The following PDE3B variants were observed in gnomAD, a reference collection of about 807,000 sequenced individuals.
PDE3B encodes phosphodiesterase 3B.
In PDE3B, 66 loss-of-function variants were observed where a neutral mutation model predicts 116.8. The observed-to-expected ratio is 0.56, with a 90% CI of 0.46 to 0.69. The LOEUF (loss-of-function observed/expected upper bound fraction) is 0.69. PDE3B is among the 30% of genes least tolerant of loss of function. PDE3B has a pLI of 0.00. For missense variants in PDE3B, 1,384 were observed against 1,368.1 expected (o/e 1.01, Z -0.18); for synonymous variants, 595 against 533.6 (o/e 1.12, Z -1.59).
chr11:14,859,106 T>C lies in PDE3B; in HGVS notation c.2584T>C (p.Tyr862His). 2 of 1,613,762 alleles carry C rather than the reference T, an allele frequency of 1.2e-6. No homozygotes were observed. Among genetic ancestry groups the C allele is most frequent in the Non-Finnish European group, 1.7e-6 (2 of 1,179,762 alleles). The change falls in exon 13 of 16, where the codon TAT becomes CAT. Residue 862 changes from tyrosine (Y) to histidine (H), a missense_variant. Physicochemically the swap from Tyr to His is moderately conservative, Grantham distance 83. Around this residue, in one of 2 missense-constraint regions of PDE3B, gnomAD observed 428 missense variants for 561.4 expected, o/e 0.76. Transcript: ENST00000282096. ...TCATGCTGCGTCAGCTTGGAATCTA[T>C]ATCTTTCTCGCCCAGAATACAACTT... ...NHHAASAWNL[Y>H]LSRPEYNFLL...
intron 1 of PDE3B, among the ~76,000 whole-genome samples, chr11:14,691,509 A>G (rs189747074): frequency 2.4e-4 from 37 of 152,330 alleles, no homozygotes; most frequent in African/African-American, 8.4e-4. Flanking sequence ...TCTTAGTTTT[A>G]TAGATGGTAT....
At chr11:14,776,364 T>C (rs2133902916) in intron 2 of PDE3B, 1 of 152,342 alleles carries the variant, frequency 6.6e-6, no homozygotes, top group East Asian at 1.9e-4. Context: ...AAGGGGGATG[T>C]CCTCACAAAT....
chr11:14,715,457 C>T (rs370422010), intron 1 of PDE3B, among the ~76,000 whole-genome samples: 148 of 152,182 alleles, frequency 9.7e-4, no homozygotes, highest in African/African-American at 3.2e-3. Context: ...TTGTAGTTCT[C>T]CTTGAAGAGG....
intron 11 of PDE3B, among the ~76,000 whole-genome samples, chr11:14,840,831 T>C (rs1860197680): frequency 6.6e-6 from 1 of 152,156 alleles, no homozygotes; most frequent in Non-Finnish European, 1.5e-5. Context: ...CTTGGATGCT[T>C]TGGGACTTAG....
chr11:14,865,221 A>G (rs1848022306), intron 14 of PDE3B, among the ~76,000 whole-genome samples: 1 of 152,212 alleles, frequency 6.6e-6, no homozygotes, highest in African/African-American at 2.4e-5. Context: ...CATTAAAATA[A>G]TCTTTCCACT....
chr11:14,849,393 A>T (rs1002461904), intron 12 of PDE3B, among the ~76,000 whole-genome samples: 1 of 152,124 alleles, frequency 6.6e-6, no homozygotes, highest in African/African-American at 2.4e-5. Context: ...CCTAGAAGAA[A>T]ACCTAGGCAT....
chr11:14,840,394 C>T (rs916180498), intron 11 of PDE3B, among the ~76,000 whole-genome samples: 7 of 152,152 alleles, frequency 4.6e-5, no homozygotes, highest in South Asian at 2.1e-4. Flanking sequence ...CCCTCTGATC[C>T]TCCAGTTCAT....
intron 10 of PDE3B, 84 bp from the exon 11 acceptor site, chr11:14,834,898 G>A (rs1373687624): frequency 3.4e-6 from 2 of 585,812 alleles, no homozygotes; most frequent in Non-Finnish European, 6.0e-6. Flanking sequence ...TCTTTTTTAT[G>A]AGGATATAGT....
chr11:14,802,106 T>C (rs1858789978), intron 4 of PDE3B, among the ~76,000 whole-genome samples: 1 of 152,186 alleles, frequency 6.6e-6, no homozygotes, highest in Non-Finnish European at 1.5e-5. Context: ...ACCACTTGGC[T>C]CCCTGGCTTT....
At chr11:14,822,905 G>GGAGCTCCCA (rs1467457094) in intron 7 of PDE3B, among the ~76,000 whole-genome samples, 1 of 152,202 alleles carries the variant, frequency 6.6e-6, no homozygotes, top group Non-Finnish European at 1.5e-5. Context: ...GCTCCCAGAG[G>GGAGCTCCCA]GAGGGGTAGG....
chr11:14,729,977 G>A (rs953752860), intron 1 of PDE3B, among the ~76,000 whole-genome samples: 6 of 152,178 alleles, frequency 3.9e-5, no homozygotes, highest in African/African-American at 1.4e-4. Flanking sequence ...GTAGAACTAG[G>A]CTCAATAAAA....
At chr11:14,892,177 C>A in the PDE3B span, 25 of 1,610,696 alleles carry the variant, frequency 1.6e-5, no homozygotes, top group Non-Finnish European at 1.9e-5. Context: ...CGCCGCCGCG[C>A]CCTCTTCAGC....
At chr11:14,708,521 A>C (rs1855599973) in intron 1 of PDE3B, among the ~76,000 whole-genome samples, 2 of 152,242 alleles carry the variant, frequency 1.3e-5, no homozygotes. Flanking sequence ...AGACGTACCT[A>C]AATGTAATAC....
chr11:14,882,342 G>A, the PDE3B span, among the ~76,000 whole-genome samples: 5 of 152,114 alleles, frequency 3.3e-5, no homozygotes, highest in Middle Eastern at 3.2e-3. Flanking sequence ...TGACATCTGA[G>A]TAAACATTCA....
intron 2 of PDE3B, among the ~76,000 whole-genome samples, chr11:14,781,428 C>T (rs563306072): frequency 5.9e-5 from 9 of 152,250 alleles, no homozygotes; most frequent in South Asian, 4.1e-4. Context: ...ACTGGCAAAC[C>T]GAATCCAGCA....
At chr11:14,739,067 A>G (rs574292587) in intron 1 of PDE3B, among the ~76,000 whole-genome samples, 1 of 152,256 alleles carries the variant, frequency 6.6e-6, no homozygotes, top group East Asian at 1.9e-4. Context: ...TTTGCTTAGG[A>G]TTGACTTGGC....
chr11:14,681,228 T>C (rs1386555531), intron 1 of PDE3B, among the ~76,000 whole-genome samples: 1 of 152,200 alleles, frequency 6.6e-6, no homozygotes, highest in African/African-American at 2.4e-5. Context: ...CATAACCTCA[T>C]TGTAAGTCGA....
chr11:14,693,708 G>A (rs1052534232), intron 1 of PDE3B, among the ~76,000 whole-genome samples: 5 of 152,220 alleles, frequency 3.3e-5, no homozygotes, highest in East Asian at 1.9e-4. Flanking sequence ...GCAGCTAGTC[G>A]TCGTCCAAGA....
At chr11:14,772,170 T>C (rs1857664417) in intron 2 of PDE3B, 183 bp downstream of exon 2, 2 of 327,082 alleles carry the variant, frequency 6.1e-6, no homozygotes, top group South Asian at 1.7e-4. Context: ...TAAAAATATA[T>C]TTTAATTATA....
Sources: gnomAD v4.1 joint callset for allele counts (sites outside exome capture counted in the v4.1 genomes callset) on GRCh38, gnomAD v4.1.1 for gene constraint, gnomAD v4.1.1 regional missense constraint, MANE v1.5 for transcripts, NCBI Gene and HGNC (gene_info 2026-07-23, HGNC 2026-07-21) for gene names.